Variants in ABCA1 observed in about 807,000 individuals in gnomAD.
ABCA1 encodes the protein phospholipid-transporting ATPase ABCA1.
Under a neutral mutation model 262.5 loss-of-function variants are expected in ABCA1, and 133 were observed. The ratio of observed to expected loss-of-function variants is 0.51; its 90% CI spans 0.44 to 0.59. The LOEUF is 0.59. Ranked by LOEUF, ABCA1 falls within the 20% of genes least tolerant of loss-of-function variation. The probability of loss-of-function intolerance (pLI) is 0.00; values close to 1 mark genes in which losing one functional copy is unlikely to be tolerated. For synonymous variants in ABCA1, 1,022 were observed against 1,043.5 expected (o/e 0.98, Z 0.40); for missense variants, 2,452 against 2,777.5 (o/e 0.88, Z 2.63).
At chr9:104,886,017 A>C (rs1413661000) in intron 3 of ABCA1, among the ~76,000 whole-genome samples, 1 of 152,212 alleles carries the variant, frequency 6.6e-6, no homozygotes, top group African/African-American at 2.4e-5. Context: ...TGGTGATAAA[A>C]GTACAATTAA....
chr9:104,858,504 G>A lies in ABCA1; in HGVS notation c.720+18C>T. The A allele has an allele frequency of 6.2e-7, 1 of 1,612,832 alleles. No individual in the cohort carries two copies. The highest frequency in any genetic ancestry group is 8.5e-7 in the Non-Finnish European group (1 of 1,179,692). ...AGCATTAGTGCTTGAAGTTTCTCCA[G>A]TGAGCAAGTCTACTCACCAGGATTG... is the stretch of plus-strand genomic sequence containing the variant. On this transcript the variant is annotated intron_variant, in intron 7 of 49. Transcript: ENST00000374736.
rs1374326149 is a variant in ABCA1 at position 104,878,414 on chromosome 9, T to C, written c.421+4625A>G. Reference sequence around the variant, plus strand: ...ATTAAAAGATTTGTCCACGGCTTAATTCCTGAAATGGGAGTTCTTCCCAGT... The same window carrying C: ...ATTAAAAGATTTGTCCACGGCTTAACTCCTGAAATGGGAGTTCTTCCCAGT... On this transcript the variant is annotated intron_variant, in intron 5 of 49. Transcript: ENST00000374736. Among the ~76,000 whole-genome samples the C allele has an allele frequency of 3.3e-5, 5 of 152,214 alleles. No homozygotes were observed. The South Asian group carries it at 6.2e-4, about 19-fold the overall frequency.
intron 1 of ABCA1, among the ~76,000 whole-genome samples, chr9:104,911,950 C>T (rs1477451327): frequency 6.6e-6 from 1 of 152,160 alleles, no homozygotes; most frequent in Non-Finnish European, 1.5e-5. Context: ...TATATAGATC[C>T]AGTGAATTTT....
At chr9:104,858,816 G>C in intron 6 of ABCA1, 118 bp from the exon 7 acceptor site, 1 of 1,023,042 alleles carries the variant, frequency 9.8e-7, no homozygotes, top group African/African-American at 1.6e-5. Context: ...TCTTAAAACA[G>C]GTTCCATTGC....
chr9:104,884,624 A>G (rs1838986150), intron 3 of ABCA1, 56 bp from the exon 4 acceptor site: 4 of 1,598,864 alleles, frequency 2.5e-6, no homozygotes, highest in Non-Finnish European at 3.4e-6. Context: ...CCCTGAAGCG[A>G]TTTTGAGGCT....
chr9:104,806,013 G>T (rs1215943212), intron 31 of ABCA1, among the ~76,000 whole-genome samples: 3 of 152,144 alleles, frequency 2.0e-5, no homozygotes, highest in Non-Finnish European at 2.9e-5. Flanking sequence ...GCTGAGGCAG[G>T]AGAATCGCTT....
chr9:104,834,462 T>C (rs2472389), intron 11 of ABCA1, among the ~76,000 whole-genome samples: 22,097 of 149,292 alleles, frequency 0.15, 2,862 homozygotes, highest in African/African-American at 0.23. Flanking sequence ...TCACAGAGGC[T>C]AGGGTTAGCA....
chr9:104,855,697 G>A, intron 7 of ABCA1: 1 of 1,527,668 alleles, frequency 6.5e-7, no homozygotes, highest in South Asian at 1.2e-5. Context: ...GAAAACTGAG[G>A]CTTACAGGGA....
At chr9:104,853,493 C>T (rs1407497604) in intron 7 of ABCA1, among the ~76,000 whole-genome samples, 1 of 152,200 alleles carries the variant, frequency 6.6e-6, no homozygotes, top group African/African-American at 2.4e-5. Context: ...TCCTCAAATT[C>T]CCAGACTCAG....
At chr9:104,832,527 A>G in intron 12 of ABCA1, 47 bp downstream of exon 12, 1 of 1,596,804 alleles carries the variant, frequency 6.3e-7, no homozygotes, top group Non-Finnish European at 8.6e-7. Flanking sequence ...CGTCTCAGAG[A>G]AAGAAGCCGT....
intron 5 of ABCA1, among the ~76,000 whole-genome samples, chr9:104,882,028 T>TAAAAAAAAAAAAAAAAACAAAAAAAAAA (rs1838704655): frequency 1.4e-5 from 1 of 73,748 alleles, no homozygotes. Context: ...TCTGTAGCCT[T>TAAAAAAAAAAAAAAAAACAAAAAAAAAA]AAAAAAAAAA....
intron 1 of ABCA1, among the ~76,000 whole-genome samples, chr9:104,917,260 C>G (rs1841900148): frequency 6.6e-6 from 1 of 152,150 alleles, no homozygotes; most frequent in Admixed American, 6.5e-5. Context: ...TCAGGTGCAT[C>G]ATCTGAAATA....
At chr9:104,878,898 A>T (rs1482063830) in intron 5 of ABCA1, among the ~76,000 whole-genome samples, 3 of 151,988 alleles carry the variant, frequency 2.0e-5, no homozygotes, top group Non-Finnish European at 2.9e-5. Context: ...AACAAGATAA[A>T]CTTCCCAACT....
At chr9:104,831,551 C>A in intron 13 of ABCA1, 71 bp downstream of exon 13, 2 of 1,254,526 alleles carry the variant, frequency 1.6e-6, no homozygotes, top group Non-Finnish European at 2.2e-6. Context: ...AAATAAAGTA[C>A]CTCTTGTCCT....
rs2853574 is a variant in ABCA1 at position 104,831,058 on chromosome 9, G to A, written c.1759C>T (p.Arg587Trp). The change falls in exon 14 of 50, where the codon CGG becomes TGG. Residue 587 changes from arginine to tryptophan, a missense_variant. By Grantham distance (101) the Arg-to-Trp change is moderately radical. Around this residue, in one of 4 missense-constraint regions of ABCA1, gnomAD observed 1,032 missense variants for 1,089.7 expected, o/e 0.95. Coordinates refer to ENST00000374736, the MANE Select transcript of ABCA1 (RefSeq NM_005502.4). Reference protein sequence around the residue: ...GPRADPFEDMRYVWGGFAYLQ... With the variant: ...GPRADPFEDMWYVWGGFAYLQ... ...TAGGCGAAGCCCCCCCAGACGTACC[G>A]CATGTCCTCAAAGGGGTCAGCTCGA... The A allele has an allele frequency of 3.1e-5, 50 of 1,610,888 alleles. No homozygotes were observed. Among genetic ancestry groups the A allele is most frequent in the East Asian group, 9.0e-5 (4 of 44,664 alleles).
In ABCA1 at chr9:104,833,592, T is replaced by C. The variant is rs183753269; in HGVS notation, c.1312-821A>G. Among the ~76,000 whole-genome samples the C allele has an allele frequency of 6.4e-3, 968 of 152,316 alleles. 9 individuals carry two copies. The highest frequency in any genetic ancestry group is 7.8e-3 in the Non-Finnish European group (529 of 68,030). On this transcript the variant is annotated intron_variant, in intron 11 of 49. Transcript: ENST00000374736. Reference sequence around the variant, plus strand: ...AAGTAGCAAAGCCAGAATGAAAGCATAGGCCCTCTGTTTCTAGTGCACCTC... The same window carrying C: ...AAGTAGCAAAGCCAGAATGAAAGCACAGGCCCTCTGTTTCTAGTGCACCTC...
At position 104,836,954 on chromosome 9, in the gene ABCA1, A is replaced by C. The variant is rs576426328; in HGVS notation, c.1311+26T>G. 3.2e-6 allele frequency: 5 copies of C among 1,561,334 alleles called. No homozygotes were observed. In the East Asian group the frequency reaches 1.1e-4, roughly 35 times the overall value. ...CACCTCTCCAGTATCAAGCAGGCAC[A>C]TGGTAATAATGGGAGGGACACTCAC... On this transcript the variant is annotated intron_variant, in intron 11 of 49. Coordinates refer to ENST00000374736, the MANE Select transcript of ABCA1 (RefSeq NM_005502.4).
rs377197720 is a variant in ABCA1 at position 104,795,035 on chromosome 9, A to G, written c.5383-525T>C. On this transcript the variant is annotated intron_variant, in intron 39 of 49. Coordinates refer to ENST00000374736, the MANE Select transcript of ABCA1 (RefSeq NM_005502.4). ...TTATTAAGAAACAGACTCCACTCCG[A>G]GTAGGAAAAGTATGTAAACAGGAAA... 2.8e-4 allele frequency among the ~76,000 whole-genome samples: 42 copies of G among 152,356 alleles called. No individual in the cohort carries two copies. The East Asian group carries it at 6.6e-3, about 24-fold the overall frequency.
At chr9:104,921,900 C>G (rs1204276112) in intron 1 of ABCA1, among the ~76,000 whole-genome samples, 2 of 152,114 alleles carry the variant, frequency 1.3e-5, no homozygotes, top group South Asian at 4.1e-4. Context: ...ATACATGATA[C>G]AAAGAGTGCT....
Sources: gnomAD v4.1 joint callset for allele counts (sites outside exome capture counted in the v4.1 genomes callset) on GRCh38, gnomAD v4.1.1 for gene constraint, gnomAD v4.1.1 regional missense constraint, MANE v1.5 for transcripts, NCBI Gene and HGNC (gene_info 2026-07-23, HGNC 2026-07-21) for gene names.